CCDC158: variants seen among roughly 807,000 people sequenced by gnomAD.
CCDC158 encodes coiled-coil domain-containing protein 158.
CCDC158 carries 116 observed loss-of-function variants against 138.6 expected under a neutral mutation model. The ratio of observed to expected loss-of-function variants is 0.84; its 90% CI spans 0.72 to 0.98. The LOEUF is 0.98. CCDC158 is among the 50% of genes least tolerant of loss of function. CCDC158 has a pLI of 0.00. For missense variants in CCDC158, 1,265 were observed against 1,306.1 expected (o/e 0.97, Z 0.48); for synonymous variants, 436 against 442.4 (o/e 0.99, Z 0.18).
At position 76,367,743 on chromosome 4, in the gene CCDC158, C is replaced by A. The variant is rs767499228; in HGVS notation, c.1381G>T (p.Glu461Ter). ...TGAGCAGTCAAGGAGGATACTTTTT[C>A]TAGACTTTCATTCTTTCCTTGAATT... ...AAIQGKNESL[E>*]KVSSLTAQLE... is the part of the protein sequence containing the mutation. Residue 461 changes from glutamate to a stop codon, truncating the protein, a stop_gained, in exon 12 of 25, where the codon GAA becomes TAA. Coordinates refer to ENST00000682701, the MANE Select transcript of CCDC158 (RefSeq NM_001394954.1). LOFTEE classifies it high-confidence loss of function. 6.2e-7 allele frequency: 1 copy of A among 1,605,870 alleles called. No individual in the cohort carries two copies. The highest frequency in any genetic ancestry group is 1.7e-5 in the Admixed American group (1 of 59,378).
intron 9 of CCDC158, chr4:76,375,381 T>A (rs1413447797): frequency 2.2e-6 from 1 of 448,046 alleles, no homozygotes; most frequent in Admixed American, 4.1e-5. Context: ...GTTTTCTGTT[T>A]TTCTGTGCTC....
chr4:76,409,278 C>T (rs941643625), intron 2 of CCDC158, among the ~76,000 whole-genome samples: 4 of 151,902 alleles, frequency 2.6e-5, no homozygotes, highest in Admixed American at 2.0e-4. Context: ...AGGCATAAAG[C>T]TTATGAAATG....
rs1341886536 is a variant in CCDC158 at position 76,367,341 on chromosome 4, G to A, written c.1783C>T (p.Leu595=). 1 of 1,613,708 alleles carries A rather than the reference G, an allele frequency of 6.2e-7. No homozygotes were observed. Among genetic ancestry groups the A allele is most frequent in the Non-Finnish European group, 8.5e-7 (1 of 1,179,786 alleles). ...CGCCTATCATTAATTTCTTTCTCCA[G>A]TTGAGCTTTTTCTACTTGCATAGCT... is the stretch of plus-strand genomic sequence containing the variant. ...AGAMQVEKAQ[L]EKEINDRRME... The change falls in exon 12 of 25, where the codon CTG becomes TTG. Residue 595 remains leucine, a synonymous_variant. Transcript: ENST00000682701.
chr4:76,407,219 C>T (rs1728899170), intron 2 of CCDC158: 2 of 152,098 alleles, frequency 1.3e-5, no homozygotes, highest in Non-Finnish European at 2.9e-5. Flanking sequence ...TTATTTCACT[C>T]ACATTTTCTT....
chr4:76,318,701 T>C (rs995234559), intron 24 of CCDC158, among the ~76,000 whole-genome samples: 1 of 151,840 alleles, frequency 6.6e-6, no homozygotes, highest in Non-Finnish European at 1.5e-5. Context: ...GGAAAGGACA[T>C]AACAAAAAAA....
At chr4:76,332,943 T>A (rs1164491418) in intron 19 of CCDC158, among the ~76,000 whole-genome samples, 1 of 152,162 alleles carries the variant, frequency 6.6e-6, no homozygotes. Flanking sequence ...GGAGGAGGCA[T>A]GTCAATATAT....
intron 17 of CCDC158, 114 bp downstream of exon 17, chr4:76,351,606 A>T (rs1350217567): frequency 1.5e-6 from 1 of 655,934 alleles, no homozygotes; most frequent in East Asian, 2.7e-5. Context: ...TATTAATAGT[A>T]TCAAGTAATG....
chr4:76,350,210 T>C (rs1722922184), intron 18 of CCDC158, among the ~76,000 whole-genome samples: 1 of 152,194 alleles, frequency 6.6e-6, no homozygotes, highest in Non-Finnish European at 1.5e-5. Context: ...TATTGTTTGA[T>C]AGACTACTCT....
At chr4:76,410,230 G>A (rs1181528631) in intron 2 of CCDC158, among the ~76,000 whole-genome samples, 1 of 152,034 alleles carries the variant, frequency 6.6e-6, no homozygotes, top group African/African-American at 2.4e-5. Flanking sequence ...TGTCGTCCAG[G>A]CTGGAGTGCA....
Position 76,369,448 on chromosome 4 carries a change from C to A in CCDC158, c.1325G>T (p.Cys442Phe). Reference sequence around the variant, plus strand: ...GACCTGCCGCTCCATCTGGCCCTGACACTCGCTCTTCAAGGCCTTGAGCAG... The same window carrying A: ...GACCTGCCGCTCCATCTGGCCCTGAAACTCGCTCTTCAAGGCCTTGAGCAG... Reference protein sequence around the residue: ...EALLKALKSECQGQMERQMAA... With the variant: ...EALLKALKSEFQGQMERQMAA... The change falls in exon 11 of 25, where the codon TGT becomes TTT. Residue 442 changes from cysteine to phenylalanine, a missense_variant. Coordinates refer to ENST00000682701, the MANE Select transcript of CCDC158 (RefSeq NM_001394954.1). 6.2e-7 allele frequency: 1 copy of A among 1,614,158 alleles called. No individual in the cohort carries two copies. Among genetic ancestry groups the A allele is most frequent in the Non-Finnish European group, 8.5e-7 (1 of 1,180,024 alleles).
intron 8 of CCDC158, among the ~76,000 whole-genome samples, chr4:76,381,889 G>C (rs972154211): frequency 5.9e-5 from 9 of 151,732 alleles, no homozygotes; most frequent in Non-Finnish European, 1.3e-4. Context: ...CACCGTGTTA[G>C]CCAGGATGCT....
chr4:76,394,984 T>C (rs559310939), intron 4 of CCDC158, among the ~76,000 whole-genome samples: 1 of 151,884 alleles, frequency 6.6e-6, no homozygotes, highest in Non-Finnish European at 1.5e-5. Flanking sequence ...AATAAGGATA[T>C]GTAAAGGCAA....
intron 4 of CCDC158, among the ~76,000 whole-genome samples, chr4:76,387,882 A>C (rs1288405710): frequency 6.8e-6 from 1 of 146,494 alleles, no homozygotes; most frequent in Non-Finnish European, 1.5e-5. Context: ...GCATGGTGGC[A>C]CATGCCTGTA....
chr4:76,316,290 C>T (rs1392219026), intron 24 of CCDC158, among the ~76,000 whole-genome samples: 1 of 152,082 alleles, frequency 6.6e-6, no homozygotes, highest in Non-Finnish European at 1.5e-5. Flanking sequence ...AAATGAAAGA[C>T]ACACTTATAG....
chr4:76,358,354 T>C (rs987816293), intron 13 of CCDC158, among the ~76,000 whole-genome samples: 2 of 152,222 alleles, frequency 1.3e-5, no homozygotes, highest in African/African-American at 2.4e-5. Context: ...CTCATTCTAT[T>C]TATCTGGGAC....
chr4:76,417,629 C>A (rs1038532685), intron 1 of CCDC158, among the ~76,000 whole-genome samples: 3 of 152,216 alleles, frequency 2.0e-5, no homozygotes, highest in Admixed American at 6.5e-5. Context: ...ATTCTGAGGC[C>A]TTCCCAGCCA....
chr4:76,360,311 G>A (rs1724008685), intron 13 of CCDC158, among the ~76,000 whole-genome samples: 2 of 152,236 alleles, frequency 1.3e-5, no homozygotes, highest in Admixed American at 6.5e-5. Context: ...GGGTAGTGCA[G>A]AGGGGAAATG....
chr4:76,403,114 T>A (rs369438965), intron 3 of CCDC158, 24 bp downstream of exon 3: 1 of 1,530,490 alleles, frequency 6.5e-7, no homozygotes, highest in African/African-American at 1.4e-5. Context: ...TTTTTCCCCA[T>A]TTTGTTTTAT....
At chr4:76,317,893 C>G (rs1410875162) in intron 24 of CCDC158, among the ~76,000 whole-genome samples, 1 of 152,100 alleles carries the variant, frequency 6.6e-6, no homozygotes, top group East Asian at 1.9e-4. Flanking sequence ...ATTGAATAAT[C>G]TACTCTGGAA....
Sources: gnomAD v4.1 joint callset for allele counts (sites outside exome capture counted in the v4.1 genomes callset) on GRCh38, gnomAD v4.1.1 for gene constraint, MANE v1.5 for transcripts, NCBI Gene and HGNC (gene_info 2026-07-23, HGNC 2026-07-21) for gene names.